Variants in COG5 observed in about 807,000 individuals in gnomAD.
COG5 encodes the protein component of oligomeric golgi complex 5.
COG5 carries 86 observed loss-of-function variants against 110.4 expected under a neutral mutation model. The ratio of observed to expected loss-of-function variants is 0.78; its 90% CI spans 0.65 to 0.93. COG5 has a LOEUF of 0.93. Among genes scored for constraint, COG5 ranks in the 40% least tolerant of loss-of-function variants. COG5 has a pLI of 0.00. For synonymous variants in COG5, 360 were observed against 334.6 expected (o/e 1.08, Z -0.83); for missense variants, 1,077 against 987.0 (o/e 1.09, Z -1.22).
chr7:107,293,626 T>TCTCA (rs984469487), intron 12 of COG5, among the ~76,000 whole-genome samples: 28 of 152,180 alleles, frequency 1.8e-4, no homozygotes, highest in African/African-American at 6.0e-4. Flanking sequence ...TGTCCTCCTA[T>TCTCA]CTCACCACTT....
chr7:107,241,563 C>G (rs1359721837), intron 17 of COG5, among the ~76,000 whole-genome samples: 1 of 151,760 alleles, frequency 6.6e-6, no homozygotes, highest in Non-Finnish European at 1.5e-5. Flanking sequence ...CGCCTTCTCC[C>G]GCCTCAGCCT....
intron 7 of COG5, among the ~76,000 whole-genome samples, chr7:107,397,937 C>A (rs1791134347): frequency 6.6e-6 from 1 of 151,934 alleles, no homozygotes; most frequent in Non-Finnish European, 1.5e-5. Flanking sequence ...AAAAAAAGGT[C>A]TTTTTCAACA....
chr7:107,294,644 T>C (rs1034675581), intron 12 of COG5, among the ~76,000 whole-genome samples: 4 of 151,760 alleles, frequency 2.6e-5, no homozygotes, highest in Non-Finnish European at 5.9e-5. Context: ...ACTTCCCTTC[T>C]TCATTCACTA....
chr7:107,204,913 A>G (rs1210567622), intron 21 of COG5, among the ~76,000 whole-genome samples: 1 of 152,148 alleles, frequency 6.6e-6, no homozygotes, highest in East Asian at 1.9e-4. Context: ...GCCTTCCCTT[A>G]TTTCAACAAA....
intron 6 of COG5, among the ~76,000 whole-genome samples, chr7:107,484,658 A>G (rs1205127773): frequency 6.6e-6 from 1 of 152,224 alleles, no homozygotes; most frequent in Non-Finnish European, 1.5e-5. Flanking sequence ...CCCTCAATGT[A>G]TAACACTGGC....
chr7:107,512,843 T>C (rs1436045276), intron 6 of COG5, among the ~76,000 whole-genome samples: 6 of 151,108 alleles, frequency 4.0e-5, no homozygotes, highest in South Asian at 2.1e-4. Flanking sequence ...TGGCTAGCCA[T>C]ATGTAGAAAG....
intron 7 of COG5, among the ~76,000 whole-genome samples, chr7:107,379,232 G>C (rs1318876111): frequency 6.6e-6 from 1 of 152,122 alleles, no homozygotes; most frequent in Admixed American, 6.5e-5. Flanking sequence ...GAGAGATTTT[G>C]TCACCACCAG....
rs780128369 is a variant in COG5 at position 107,283,607 on chromosome 7, G to T, written c.1439C>A (p.Ser480Tyr). ...FPPGGRNPPSSDELDGIIKTI... is the reference protein window; with the variant it reads ...FPPGGRNPPSYDELDGIIKTI... ...TTTAATAATACCATCAAGTTCATCA[G>T]AGGAAGGAGGATTACGACCACCCGG... Residue 480 changes from serine to tyrosine, a missense_variant, in exon 13 of 22, where the codon TCT becomes TAT. Coordinates refer to ENST00000297135, the MANE Select transcript of COG5 (RefSeq NM_006348.5). 4 of 1,613,922 alleles carry T rather than the reference G, an allele frequency of 2.5e-6. No individual in the cohort carries two copies. The highest frequency in any genetic ancestry group is 3.4e-6 in the Non-Finnish European group (4 of 1,179,980).
intron 6 of COG5, among the ~76,000 whole-genome samples, chr7:107,469,835 C>T (rs902790461): frequency 3.9e-5 from 6 of 151,974 alleles, no homozygotes; most frequent in Non-Finnish European, 8.8e-5. Context: ...GAATAGAATA[C>T]ACATTTTTAA....
chr7:107,554,426 T>C (rs1173547114), intron 2 of COG5, 84 bp from the exon 3 acceptor site: 2 of 1,229,114 alleles, frequency 1.6e-6, no homozygotes, highest in Admixed American at 1.8e-5. Context: ...CAGTCTCTCT[T>C]GGTGTAGAAA....
intron 6 of COG5, among the ~76,000 whole-genome samples, chr7:107,486,590 T>TA (rs1439174932): frequency 6.6e-6 from 1 of 151,700 alleles, no homozygotes; most frequent in Admixed American, 6.6e-5. Flanking sequence ...AAGAAAACAC[T>TA]AAAAAAATCT....
chr7:107,227,538 G>C (rs954655560), intron 19 of COG5, among the ~76,000 whole-genome samples: 2 of 152,162 alleles, frequency 1.3e-5, no homozygotes, highest in African/African-American at 4.8e-5. Flanking sequence ...GTGAGAATTG[G>C]AAAGGGTTGG....
intron 14 of COG5, among the ~76,000 whole-genome samples, chr7:107,277,075 T>C (rs1352584566): frequency 6.6e-6 from 1 of 152,152 alleles, no homozygotes; most frequent in Non-Finnish European, 1.5e-5. Flanking sequence ...CATCTAACTA[T>C]ACATTAAGAG....
intron 6 of COG5, among the ~76,000 whole-genome samples, chr7:107,507,741 T>C (rs1461145565): frequency 6.6e-6 from 1 of 152,150 alleles, no homozygotes; most frequent in Admixed American, 6.5e-5. Context: ...TATACATAAG[T>C]GAGAAACGTT....
intron 19 of COG5, among the ~76,000 whole-genome samples, chr7:107,220,452 T>G (rs903909040): frequency 6.6e-6 from 1 of 152,226 alleles, no homozygotes; most frequent in Non-Finnish European, 1.5e-5. Context: ...ATGGGTGGTG[T>G]TGTCTTAAAG....
At chr7:107,232,470 T>G (rs948215886) in intron 18 of COG5, among the ~76,000 whole-genome samples, 1 of 152,264 alleles carries the variant, frequency 6.6e-6, no homozygotes, top group African/African-American at 2.4e-5. Flanking sequence ...TGTCAATTTC[T>G]CAACTACTCT....
intron 17 of COG5, among the ~76,000 whole-genome samples, chr7:107,244,715 C>T (rs1801919068): frequency 6.6e-6 from 1 of 152,106 alleles, no homozygotes; most frequent in Non-Finnish European, 1.5e-5. Flanking sequence ...TGGACACATT[C>T]CTGGACACAT....
At chr7:107,315,987 A>G (rs1750071194) in intron 11 of COG5, among the ~76,000 whole-genome samples, 1 of 152,180 alleles carries the variant, frequency 6.6e-6, no homozygotes, top group South Asian at 2.1e-4. Context: ...AAGAACTGAA[A>G]ACATACGCTG....
rs1214291832 is a variant in COG5, at chr7:107,474,157, C to T, written c.538+53080G>A. The T allele has an allele frequency of 1.2e-6, 2 of 1,609,490 alleles. No homozygotes were observed. The highest frequency in any genetic ancestry group is 3.3e-5 in the Admixed American group (2 of 59,910). On this transcript the variant is annotated intron_variant, in intron 6 of 21. Coordinates refer to ENST00000297135, the MANE Select transcript of COG5 (RefSeq NM_006348.5). The surrounding 1 kb of genome is among the most constrained non-coding windows in gnomAD (Gnocchi z 5.7). ...TGACATCAACACCAATATGTACCAA[C>T]CACTATCATATCCGTTAAGCTTTCA...
Sources: gnomAD v4.1 joint callset for allele counts (sites outside exome capture counted in the v4.1 genomes callset) on GRCh38, gnomAD v4.1.1 for gene constraint, Gnocchi (gnomAD v3.1) non-coding constraint, MANE v1.5 for transcripts, NCBI Gene and HGNC (gene_info 2026-07-23, HGNC 2026-07-21) for gene names.